The following MAST4 variants were observed in gnomAD, a reference collection of about 807,000 sequenced individuals.
MAST4 encodes microtubule associated serine/threonine kinase family member 4, also known as microtubule-associated serine/threonine-protein kinase 4.
A neutral mutation model predicts 162.7 loss-of-function variants in MAST4; 89 were observed. The ratio of observed to expected loss-of-function variants is 0.55; its 90% CI spans 0.46 to 0.65. The LOEUF (loss-of-function observed/expected upper bound fraction) is 0.65, where lower values mean the gene tolerates loss of function less well. MAST4 is among the 30% of genes least tolerant of loss of function. The pLI is 0.00. For missense variants in MAST4, 3,153 were observed against 3,374.0 expected (o/e 0.93, Z 1.62); for synonymous variants, 1,479 against 1,361.1 (o/e 1.09, Z -1.91).
intron 3 of MAST4, among the ~76,000 whole-genome samples, chr5:66,844,036 T>C (rs1041420769): frequency 3.2e-4 from 49 of 152,046 alleles, no homozygotes; most frequent in African/African-American, 1.2e-3. Flanking sequence ...TCTTTCATTA[T>C]AATAGCCCTT....
intron 21 of MAST4, 88 bp downstream of exon 21, chr5:67,142,621 C>A: frequency 2.2e-6 from 2 of 903,408 alleles, no homozygotes; most frequent in Non-Finnish European, 3.4e-6. Context: ...TGGACACTTA[C>A]CGTTTTCCAG....
chr5:66,651,348 GA>G (rs2149448161), intron 1 of MAST4, among the ~76,000 whole-genome samples: 1 of 152,044 alleles, frequency 6.6e-6, no homozygotes, highest in South Asian at 2.1e-4. Context: ...TTTATCGTTT[GA>G]TTTTTTTATA....
At chr5:67,145,527 A>T in intron 23 of MAST4, 148 bp downstream of exon 23, 1 of 654,322 alleles carries the variant, frequency 1.5e-6, no homozygotes, top group Non-Finnish European at 2.6e-6. Context: ...TAGGCTTGGG[A>T]CACGATCTTC....
intron 4 of MAST4, among the ~76,000 whole-genome samples, chr5:66,911,928 A>T (rs1763804285): frequency 6.6e-6 from 1 of 152,190 alleles, no homozygotes; most frequent in African/African-American, 2.4e-5. Context: ...GATAAGTGGG[A>T]TTAACCTTTT....
intron 5 of MAST4, among the ~76,000 whole-genome samples, chr5:67,071,178 T>A (rs1254979021): frequency 6.6e-6 from 1 of 152,228 alleles, no homozygotes; most frequent in Non-Finnish European, 1.5e-5. Flanking sequence ...AACTCTGCTC[T>A]AGAAATAGTC....
At chr5:66,638,516 A>T (rs1456037580) in intron 1 of MAST4, among the ~76,000 whole-genome samples, 1 of 152,246 alleles carries the variant, frequency 6.6e-6, no homozygotes, top group African/African-American at 2.4e-5. Flanking sequence ...TTCTATATAC[A>T]TAATGAGATA....
At chr5:66,600,118 C>T (rs1175219483) in intron 1 of MAST4, among the ~76,000 whole-genome samples, 1 of 152,128 alleles carries the variant, frequency 6.6e-6, no homozygotes, top group Non-Finnish European at 1.5e-5. Context: ...GTATAAACTT[C>T]CAAAGTCTCA....
intron 3 of MAST4, among the ~76,000 whole-genome samples, chr5:66,897,274 A>T (rs74978903): frequency 6.6e-6 from 1 of 152,280 alleles, no homozygotes; most frequent in East Asian, 1.9e-4. Flanking sequence ...GACCAATACC[A>T]CGTCTTATCT....
At chr5:66,715,664 G>A (rs1236060385) in intron 1 of MAST4, among the ~76,000 whole-genome samples, 3 of 120,810 alleles carry the variant, frequency 2.5e-5, no homozygotes, top group Non-Finnish European at 3.4e-5. Flanking sequence ...AAAACTTAAA[G>A]TATAATAATA....
chr5:66,943,000 G>A lies in MAST4; in HGVS notation c.674+43018G>A, dbSNP rs542699646. Among the ~76,000 whole-genome samples, 3 of 152,076 alleles carry A rather than the reference G, an allele frequency of 2.0e-5. No individual in the cohort carries two copies. The East Asian group carries it at 5.8e-4, about 29-fold the overall frequency. The stretch of plus-strand genomic sequence containing the variant: ...CTTCATATGGCTGTAGGTAGAAAGG[G>A]GTGTGGCAGCTCTTTGGGGCCTCTT... On this transcript the variant is annotated intron_variant, in intron 4 of 28. Coordinates refer to ENST00000403625, the MANE Select transcript of MAST4 (RefSeq NM_001164664.2).
rs771789143 is a variant in MAST4 at position 67,166,768 on chromosome 5, C to T, written c.7589C>T (p.Pro2530Leu). 7 of 1,601,172 alleles carry T rather than the reference C, an allele frequency of 4.4e-6. No individual in the cohort carries two copies. In the East Asian group the frequency reaches 9.0e-5, roughly 21 times the overall value. Residue 2530 changes from proline to leucine, a missense_variant, in exon 29 of 29, where the codon CCT (proline) becomes CTT (leucine). This residue lies in a region of MAST4 where 1,644 missense variants were observed against 1,495.0 expected (regional missense o/e 1.10). Transcript: ENST00000403625. Reference sequence around the variant, plus strand: ...CCCTCCTTCCGGGTCTCCACCCTGCCTCTGGAGTCACACCACCCCGACCCA... The same window carrying T: ...CCCTCCTTCCGGGTCTCCACCCTGCTTCTGGAGTCACACCACCCCGACCCA... ...SLPSFRVSTLPLESHHPDPNT... is the reference protein window; with the variant it reads ...SLPSFRVSTLLLESHHPDPNT...
chr5:67,001,443 T>G (rs1288326466), intron 4 of MAST4: 1 of 147,846 alleles, frequency 6.8e-6, no homozygotes, highest in Non-Finnish European at 1.5e-5. Context: ...TCAAGCCTTT[T>G]AAATGCAAAA....
chr5:66,639,080 T>C (rs576672527), intron 1 of MAST4, among the ~76,000 whole-genome samples: 1 of 152,150 alleles, frequency 6.6e-6, no homozygotes, highest in Admixed American at 6.6e-5. Context: ...ATGAATTGTA[T>C]AGAGAGAAGA....
intron 5 of MAST4, among the ~76,000 whole-genome samples, chr5:67,058,489 G>A (rs1244083039): frequency 6.6e-6 from 1 of 152,146 alleles, no homozygotes; most frequent in Non-Finnish European, 1.5e-5. Flanking sequence ...TTTGTACCTA[G>A]CAAATGGAAA....
At chr5:66,980,792 C>A (rs1317905932) in intron 4 of MAST4, among the ~76,000 whole-genome samples, 1 of 152,186 alleles carries the variant, frequency 6.6e-6, no homozygotes, top group Middle Eastern at 3.2e-3. Context: ...TAATTTCGAT[C>A]ATTTCCAAGG....
At chr5:66,894,353 G>A (rs187670691) in intron 3 of MAST4, among the ~76,000 whole-genome samples, 12 of 152,262 alleles carry the variant, frequency 7.9e-5, no homozygotes, top group Middle Eastern at 3.4e-3. Context: ...TGCTTGAGCT[G>A]AATTATCTCA....
intron 1 of MAST4, among the ~76,000 whole-genome samples, chr5:66,649,623 C>A (rs1746084664): frequency 6.6e-6 from 1 of 152,190 alleles, no homozygotes; most frequent in Non-Finnish European, 1.5e-5. Context: ...GGGAGGACTT[C>A]CCTGGTCCCA....
At chr5:66,660,186 C>G (rs1196285016) in intron 1 of MAST4, among the ~76,000 whole-genome samples, 1 of 152,088 alleles carries the variant, frequency 6.6e-6, no homozygotes, top group Non-Finnish European at 1.5e-5. Flanking sequence ...GTCAGGAGTT[C>G]GAGACCAGCC....
rs140692072 is a variant in MAST4 at position 67,164,314 on chromosome 5, C to G, written c.5135C>G (p.Ala1712Gly). Residue 1712 changes from alanine to glycine, a missense_variant, in exon 29 of 29, where the codon GCT becomes GGT. Ala to Gly is a moderately conservative substitution (Grantham distance 60). This residue lies in a region of MAST4 where 1,644 missense variants were observed against 1,495.0 expected (regional missense o/e 1.10). Coordinates refer to ENST00000403625, the MANE Select transcript of MAST4 (RefSeq NM_001164664.2). The surrounding 1 kb of genome is among the most constrained non-coding windows in gnomAD (Gnocchi z 5.3). ...LCPVLKPKMT[A>G]GSHECLPGNP... ...CCTGTGCTGAAGCCCAAGATGACAGCTGGCTCCCACGAATGCCTGCCAGGG... is the reference window on the plus strand; with the variant it reads ...CCTGTGCTGAAGCCCAAGATGACAGGTGGCTCCCACGAATGCCTGCCAGGG... 1.9e-6 allele frequency: 3 copies of G among 1,613,948 alleles called. No homozygotes were observed. The African/African-American group carries it at 4.0e-5, about 21-fold the overall frequency.
Sources: gnomAD v4.1 joint callset for allele counts (sites outside exome capture counted in the v4.1 genomes callset) on GRCh38, gnomAD v4.1.1 for gene constraint, gnomAD v4.1.1 regional missense constraint, Gnocchi (gnomAD v3.1) non-coding constraint, MANE v1.5 for transcripts, NCBI Gene and HGNC (gene_info 2026-07-23, HGNC 2026-07-21) for gene names.